DCC: variants seen among roughly 807,000 people sequenced by gnomAD.
DCC encodes the protein DCC netrin 1 receptor.
Under a neutral mutation model 172.5 loss-of-function variants are expected in DCC, and 58 were observed. The observed-to-expected ratio is 0.34, with a 90% CI of 0.27 to 0.42. The LOEUF (loss-of-function observed/expected upper bound fraction) is 0.42, where lower values mean the gene tolerates loss of function less well. Among genes scored for constraint, DCC ranks in the 10% least tolerant of loss-of-function variants. The probability of loss-of-function intolerance (pLI) is 1.00; values close to 1 mark genes in which losing one functional copy is unlikely to be tolerated. For synonymous variants in DCC, 709 were observed against 644.5 expected (o/e 1.10, Z -1.52); for missense variants, 1,740 against 1,791.0 (o/e 0.97, Z 0.51).
intron 5 of DCC, among the ~76,000 whole-genome samples, chr18:53,018,875 C>A (rs1344118068): frequency 6.6e-6 from 1 of 152,082 alleles, no homozygotes; most frequent in Non-Finnish European, 1.5e-5. Context: ...TTGTTTTATA[C>A]CAAAATCATG....
intron 5 of DCC, among the ~76,000 whole-genome samples, chr18:53,006,363 T>A (rs1023615870): frequency 1.3e-5 from 2 of 152,118 alleles, no homozygotes; most frequent in Non-Finnish European, 2.9e-5. Flanking sequence ...CCCATTCCTC[T>A]CCTCTGGGTC....
intron 1 of DCC, among the ~76,000 whole-genome samples, chr18:52,432,600 A>G (rs1010319587): frequency 2.0e-5 from 3 of 150,442 alleles, no homozygotes; most frequent in Non-Finnish European, 2.9e-5. Flanking sequence ...GCAGCTCTTT[A>G]TCTCTCTCCT....
intron 1 of DCC, among the ~76,000 whole-genome samples, chr18:52,664,761 G>A (rs138947019): frequency 1.9e-4 from 29 of 151,964 alleles, no homozygotes; most frequent in Non-Finnish European, 3.1e-4. Context: ...GTGAGCCACC[G>A]CGCCCGGCCC....
chr18:53,280,496 A>C (rs2056858223), intron 12 of DCC, among the ~76,000 whole-genome samples: 1 of 152,028 alleles, frequency 6.6e-6, no homozygotes, highest in Admixed American at 6.6e-5. Context: ...TTTCTTTGAG[A>C]AGTTTTTTGG....
chr18:53,005,696 C>T (rs1476090196), intron 5 of DCC, among the ~76,000 whole-genome samples: 2 of 152,142 alleles, frequency 1.3e-5, no homozygotes, highest in African/African-American at 4.8e-5. Flanking sequence ...CCACTGCACT[C>T]CAGCCTGGGT....
intron 1 of DCC, among the ~76,000 whole-genome samples, chr18:52,579,734 C>A (rs1453357871): frequency 6.6e-6 from 1 of 152,138 alleles, no homozygotes; most frequent in Non-Finnish European, 1.5e-5. Context: ...TAGGATGGAC[C>A]TATCTGGAAT....
At chr18:53,179,370 A>G (rs2055159605) in intron 9 of DCC, among the ~76,000 whole-genome samples, 1 of 152,174 alleles carries the variant, frequency 6.6e-6, no homozygotes, top group Non-Finnish European at 1.5e-5. Flanking sequence ...CTACTTATTC[A>G]TTTCCTAAGA....
At chr18:52,927,253 A>G (rs930957987) in intron 5 of DCC, among the ~76,000 whole-genome samples, 28 of 149,944 alleles carry the variant, frequency 1.9e-4, no homozygotes, top group Non-Finnish European at 3.3e-4. Flanking sequence ...GTACATATAC[A>G]CATATATGCA....
intron 1 of DCC, among the ~76,000 whole-genome samples, chr18:52,734,060 C>A (rs1330970767): frequency 6.6e-6 from 1 of 151,950 alleles, no homozygotes; most frequent in Non-Finnish European, 1.5e-5. Flanking sequence ...TCTGTATCAT[C>A]TTTAAAAGAG....
At chr18:53,518,082 G>A (rs903478545) in intron 27 of DCC, among the ~76,000 whole-genome samples, 3 of 152,010 alleles carry the variant, frequency 2.0e-5, no homozygotes, top group South Asian at 2.1e-4. Context: ...CAGATAACCC[G>A]AGCACAGGCT....
chr18:52,532,016 A>G (rs540700616), intron 1 of DCC, among the ~76,000 whole-genome samples: 5 of 152,160 alleles, frequency 3.3e-5, no homozygotes, highest in Non-Finnish European at 5.9e-5. Context: ...CCTTTGCACA[A>G]TGCAAAAGGT....
chr18:52,590,388 C>T (rs1563224), intron 1 of DCC, among the ~76,000 whole-genome samples: 17,836 of 151,852 alleles, frequency 0.12, 1,491 homozygotes, highest in East Asian at 0.39. Context: ...ATACGCTCAG[C>T]CAAAAGATAG....
intron 1 of DCC, among the ~76,000 whole-genome samples, chr18:52,566,691 T>G (rs187769444): frequency 1.3e-5 from 2 of 152,096 alleles, no homozygotes; most frequent in African/African-American, 4.8e-5. Context: ...AAGGCTGGAA[T>G]TGGGAAAACA....
Position 53,255,108 on chromosome 18 carries a change from G to T in DCC, c.1911+39511G>T, listed in dbSNP as rs375516595. 9.9e-5 allele frequency among the ~76,000 whole-genome samples: 15 copies of T among 151,978 alleles called. No homozygotes were observed. The East Asian group carries it at 1.4e-3, about 14-fold the overall frequency. On this transcript the variant is annotated intron_variant, in intron 12 of 28. Coordinates refer to ENST00000442544, the MANE Select transcript of DCC (RefSeq NM_005215.4). The stretch of plus-strand genomic sequence containing the variant: ...ACACCCAAGATATTCCCAGGGATCA[G>T]CTGGGAAGCATTCACTTCTAGCTTC...
At chr18:52,919,256 T>C (rs2040083636) in intron 3 of DCC, among the ~76,000 whole-genome samples, 1 of 152,204 alleles carries the variant, frequency 6.6e-6, no homozygotes, top group Admixed American at 6.6e-5. Flanking sequence ...CAAAGCAAGA[T>C]ACAAGGCCAG....
intron 14 of DCC, among the ~76,000 whole-genome samples, chr18:53,333,082 AAAG>A (rs1393111926): frequency 6.6e-6 from 1 of 152,022 alleles, no homozygotes; most frequent in Non-Finnish European, 1.5e-5. Context: ...AAAAAAAAAA[AAAG>A]GAGAATATTG....
intron 2 of DCC, among the ~76,000 whole-genome samples, chr18:52,781,570 A>G (rs1441327118): frequency 6.6e-6 from 1 of 152,188 alleles, no homozygotes; most frequent in East Asian, 1.9e-4. Flanking sequence ...CTAACATTGT[A>G]TTAATATATA....
chr18:52,820,628 G>A (rs982204037), intron 2 of DCC, among the ~76,000 whole-genome samples: 6 of 152,058 alleles, frequency 3.9e-5, no homozygotes, highest in South Asian at 2.1e-4. Context: ...TCCAACAAGG[G>A]GCCGACCAGA....
chr18:52,843,330 CCTT>C (rs1321683123), intron 2 of DCC, among the ~76,000 whole-genome samples: 3 of 152,070 alleles, frequency 2.0e-5, no homozygotes, highest in Non-Finnish European at 2.9e-5. Context: ...AGTAGAGAAG[CCTT>C]CTTCCAGAAG....
Sources: gnomAD v4.1 joint callset for allele counts (sites outside exome capture counted in the v4.1 genomes callset) on GRCh38, gnomAD v4.1.1 for gene constraint, MANE v1.5 for transcripts, NCBI Gene and HGNC (gene_info 2026-07-23, HGNC 2026-07-21) for gene names.